The following LRRC7 variants were observed in gnomAD, a reference collection of about 807,000 sequenced individuals.
LRRC7 encodes the protein leucine-rich repeat-containing protein 7.
In LRRC7, 23 loss-of-function variants were observed where a neutral mutation model predicts 175.7. The ratio of observed to expected loss-of-function variants is 0.13; its 90% CI spans 0.09 to 0.19. The LOEUF (loss-of-function observed/expected upper bound fraction) is 0.19, where lower values mean the gene tolerates loss of function less well. Ranked by LOEUF, LRRC7 falls within the 10% of genes least tolerant of loss-of-function variation. The pLI is 1.00. For synonymous variants in LRRC7, 685 were observed against 680.9 expected (o/e 1.01, Z -0.09); for missense variants, 1,354 against 1,904.7 (o/e 0.71, Z 5.38).
intron 7 of LRRC7, among the ~76,000 whole-genome samples, chr1:69,842,660 G>GAAT (rs1411179968): frequency 2.0e-5 from 3 of 152,082 alleles, no homozygotes; most frequent in Admixed American, 1.3e-4. Flanking sequence ...GGTAGATGAA[G>GAAT]AATGCTAAGA....
chr1:69,568,703 TAGGCGCGC>T, intron 1 of LRRC7, 62 bp downstream of exon 1: 1 of 497,320 alleles, frequency 2.0e-6, no homozygotes, highest in Non-Finnish European at 2.8e-6. Context: ...GCGGCGACCG[TAGGCGCGC>T]GAGGTGTGGG....
At chr1:69,617,330 T>C (rs1649791709) in intron 1 of LRRC7, among the ~76,000 whole-genome samples, 1 of 151,906 alleles carries the variant, frequency 6.6e-6, no homozygotes, top group Non-Finnish European at 1.5e-5. Context: ...ATTATTTATA[T>C]GAGAGGAGGG....
intron 7 of LRRC7, among the ~76,000 whole-genome samples, chr1:69,923,325 A>G (rs1235267364): frequency 6.6e-6 from 1 of 152,230 alleles, no homozygotes; most frequent in African/African-American, 2.4e-5. Context: ...TCCTTTGGGT[A>G]TATACCCAGT....
At chr1:69,659,790 A>G (rs1000325497) in intron 1 of LRRC7, among the ~76,000 whole-genome samples, 41 of 152,052 alleles carry the variant, frequency 2.7e-4, no homozygotes, top group Admixed American at 4.6e-4. Context: ...AGAACAGTAA[A>G]CAAATATTAC....
intron 18 of LRRC7, among the ~76,000 whole-genome samples, chr1:70,031,953 C>G (rs115101543): frequency 0.095 from 14,519 of 152,170 alleles, 700 homozygotes; most frequent in South Asian, 0.13. Context: ...CACGTGCCAG[C>G]ACAGCCAGCT....
intron 1 of LRRC7, among the ~76,000 whole-genome samples, chr1:69,595,263 T>C (rs1168908388): frequency 6.6e-6 from 1 of 151,800 alleles, no homozygotes; most frequent in African/African-American, 2.4e-5. Flanking sequence ...CTAGTAAAAA[T>C]ACAAAAATTA....
chr1:69,951,037 A>G (rs1649856963), intron 8 of LRRC7, among the ~76,000 whole-genome samples: 1 of 152,000 alleles, frequency 6.6e-6, no homozygotes, highest in Admixed American at 6.6e-5. Context: ...ATATTTTCAA[A>G]CTATGCATCT....
At chr1:69,573,510 A>G (rs528524700) in intron 1 of LRRC7, among the ~76,000 whole-genome samples, 1 of 152,306 alleles carries the variant, frequency 6.6e-6, no homozygotes, top group Admixed American at 6.5e-5. Flanking sequence ...ATAATCTAGT[A>G]GAATCTGTCA....
Position 70,069,453 on chromosome 1 carries a change from A to G in LRRC7, c.4231-6624A>G, listed in dbSNP as rs115500895. On this transcript the variant is annotated intron_variant, in intron 23 of 26. Coordinates refer to ENST00000651989, the MANE Select transcript of LRRC7 (RefSeq NM_001370785.2). ...TTGACATGTGGGGATTATATGGATT[A>G]TGAGGATTACAATTCAAGATGAGAT... is the stretch of plus-strand genomic sequence containing the variant. 8.5e-3 allele frequency among the ~76,000 whole-genome samples: 1,300 copies of G among 152,278 alleles called. 12 individuals carry two copies. The highest frequency in any genetic ancestry group is 0.03 in the African/African-American group (1,226 of 41,550).
In LRRC7 at chr1:69,801,379, G is replaced by C. The variant is rs542839302; in HGVS notation, c.421+9219G>C. ...ATTTTTGGGGAGATGCCTTATTACT[G>C]ATTCTATCTCACCACTCATCATTGA... On this transcript the variant is annotated intron_variant, in intron 4 of 26. Transcript: ENST00000651989. 2.0e-5 allele frequency among the ~76,000 whole-genome samples: 3 copies of C among 151,604 alleles called. No homozygotes were observed. The South Asian group carries it at 6.2e-4, about 31-fold the overall frequency.
rs980127277 is a variant in LRRC7 at position 69,641,648 on chromosome 1, C to G, written c.3-36733C>G. On this transcript the variant is annotated intron_variant, in intron 1 of 26. Coordinates refer to ENST00000651989, the MANE Select transcript of LRRC7 (RefSeq NM_001370785.2). ...AATTACCACCTTTAACCAAAATAAT[C>G]AACTTGCTTTTCGGGCAAAAGAGAA... Among the ~76,000 whole-genome samples, 3 of 151,512 alleles carry G rather than the reference C, an allele frequency of 2.0e-5. No individual in the cohort carries two copies. In the East Asian group the frequency reaches 5.8e-4, roughly 29 times the overall value.
chr1:69,916,204 AAAT>A (rs1256157292), intron 7 of LRRC7, among the ~76,000 whole-genome samples: 1 of 19,072 alleles, frequency 5.2e-5, no homozygotes, highest in Non-Finnish European at 1.6e-4. Context: ...TTATATATAA[AAAT>A]AAAATTTTAT....
intron 1 of LRRC7, among the ~76,000 whole-genome samples, chr1:69,660,239 A>T (rs980847928): frequency 2.6e-5 from 4 of 152,146 alleles, no homozygotes; most frequent in Admixed American, 6.6e-5. Flanking sequence ...GGTTCAATCC[A>T]TCAGAATATT....
intron 26 of LRRC7, among the ~76,000 whole-genome samples, chr1:70,118,058 T>C (rs1665973496): frequency 8.1e-6 from 1 of 123,812 alleles, no homozygotes. Flanking sequence ...AGCCTCTTCT[T>C]CTATGCACAC....
chr1:70,035,221 A>AT (rs956606586), intron 18 of LRRC7, among the ~76,000 whole-genome samples: 7 of 152,198 alleles, frequency 4.6e-5, no homozygotes, highest in African/African-American at 1.7e-4. Context: ...GCATAAATAT[A>AT]TATCACTACT....
intron 3 of LRRC7, among the ~76,000 whole-genome samples, chr1:69,784,300 A>G (rs1674144466): frequency 6.6e-6 from 1 of 152,232 alleles, no homozygotes; most frequent in Admixed American, 6.5e-5. Flanking sequence ...TGGTGGGTAG[A>G]AGACAAAGGG....
At chr1:70,015,149 A>T (rs1053323929) in intron 13 of LRRC7, among the ~76,000 whole-genome samples, 1 of 152,066 alleles carries the variant, frequency 6.6e-6, no homozygotes, top group Non-Finnish European at 1.5e-5. Flanking sequence ...ATGTTACTGT[A>T]ACAATTATAT....
At chr1:69,875,894 A>G (rs1686000317) in intron 7 of LRRC7, among the ~76,000 whole-genome samples, 1 of 152,100 alleles carries the variant, frequency 6.6e-6, no homozygotes, top group Non-Finnish European at 1.5e-5. Flanking sequence ...AACAACAACA[A>G]AAACGACCCC....
At chr1:69,958,252 A>T (rs1200257183) in intron 8 of LRRC7, among the ~76,000 whole-genome samples, 1 of 151,876 alleles carries the variant, frequency 6.6e-6, no homozygotes, top group Non-Finnish European at 1.5e-5. Context: ...TCTGCCCTTT[A>T]TTGGCTGACT....
Sources: allele counts gnomAD v4.1 joint callset (sites outside exome capture counted in the v4.1 genomes callset), GRCh38; gene constraint gnomAD v4.1.1; transcripts MANE v1.5; gene names NCBI Gene and HGNC (gene_info 2026-07-23, HGNC 2026-07-21).